VASH2: variants seen among roughly 807,000 people sequenced by gnomAD.
VASH2 encodes the protein tubulinyl-Tyr carboxypeptidase 2.
A neutral mutation model predicts 37.2 loss-of-function variants in VASH2; 28 were observed. The observed-to-expected ratio is 0.75, with a 90% CI of 0.56 to 1.03. The LOEUF (loss-of-function observed/expected upper bound fraction) is 1.03, where lower values mean the gene tolerates loss of function less well. Among genes scored for constraint, VASH2 ranks in the 50% least tolerant of loss-of-function variants. The pLI, the probability that VASH2 is intolerant of heterozygous loss-of-function variation, is 0.00. For missense variants in VASH2, 419 were observed against 459.1 expected, an observed-to-expected ratio of 0.91 and a Z score of 0.80; for synonymous variants, 188 against 174.7, an observed-to-expected ratio of 1.08 and a Z score of -0.60.
At position 212,973,293 on chromosome 1, in the gene VASH2, G is replaced by GA. The variant is rs769453373; in HGVS notation, c.879+333dup. 5.7e-4 allele frequency: 587 copies of GA among 1,035,506 alleles called. 2 individuals are homozygous for GA. The highest frequency in any genetic ancestry group is 3.9e-4 in the Non-Finnish European group (300 of 767,772). The allele number at this position is 1,035,506 out of a possible 1,614,324, so 64.1% of individuals were successfully genotyped here. ...GGAACTGCGGGTTTTCCCAGGACAT[G>GA]AGATTTTCAGTATTAAAACCTGGAA... is the stretch of plus-strand genomic sequence containing the variant. On this transcript the variant is annotated intron_variant, in intron 6 of 7. Coordinates refer to ENST00000517399, the MANE Select transcript of VASH2 (RefSeq NM_001301056.2).
At chr1:212,982,340 AAATTC>A (rs1411734491) in intron 7 of VASH2, among the ~76,000 whole-genome samples, 1 of 152,234 alleles carries the variant, frequency 6.6e-6, no homozygotes, top group African/African-American at 2.4e-5. Context: ...TGAAAAAAGA[AAATTC>A]TTTCATTTCT....
intron 6 of VASH2, chr1:212,973,386 C>G (rs1224966640): frequency 7.7e-7 from 1 of 1,291,894 alleles, no homozygotes. Context: ...GTTTTACCTC[C>G]AAAGTGATGT....
chr1:212,975,871 C>T (rs1318992906), intron 7 of VASH2, among the ~76,000 whole-genome samples: 1 of 152,196 alleles, frequency 6.6e-6, no homozygotes, highest in East Asian at 1.9e-4. Context: ...AAGGCCCAAG[C>T]ATTCCACCTG....
rs60920030 is a variant in VASH2, at chr1:212,959,447, TCACA to T, written c.277-1700_277-1697del. The stretch of plus-strand genomic sequence containing the variant: ...CACACACTCACATTCACACGCACAT[TCACA>T]CACACACACACACACACAATACCTT... On this transcript the variant is annotated intron_variant, in intron 2 of 7. Transcript: ENST00000517399. Among the ~76,000 whole-genome samples the T allele has an allele frequency of 3.4e-3, 506 of 150,760 alleles. 3 individuals carry two copies. Among genetic ancestry groups the T allele is most frequent in the African/African-American group, 1.0e-2 (411 of 41,282 alleles).
In VASH2 at chr1:212,969,602, T is replaced by C. The variant is rs566568537; in HGVS notation, c.498-2978T>C. ...TTTTAGTAGAGATGAGGTTTCACCATGTTGACCAGGCTGATCTTGAACTCC... is the reference window on the plus strand; with the variant it reads ...TTTTAGTAGAGATGAGGTTTCACCACGTTGACCAGGCTGATCTTGAACTCC... On this transcript the variant is annotated intron_variant, in intron 5 of 7. Coordinates refer to ENST00000517399, the MANE Select transcript of VASH2 (RefSeq NM_001301056.2). Among the ~76,000 whole-genome samples, 5 of 152,340 alleles carry C rather than the reference T, an allele frequency of 3.3e-5. No individual in the cohort carries two copies. In the South Asian group the frequency reaches 8.3e-4, roughly 25 times the overall value.
intron 5 of VASH2, among the ~76,000 whole-genome samples, chr1:212,966,697 C>A (rs539964655): frequency 2.1e-4 from 32 of 152,264 alleles, no homozygotes; most frequent in African/African-American, 5.8e-4. Context: ...GACATTGCAG[C>A]AGGAAAGACA....
intron 3 of VASH2, among the ~76,000 whole-genome samples, chr1:212,962,648 GGA>G (rs765493052): frequency 2.0e-5 from 3 of 152,202 alleles, no homozygotes; most frequent in Non-Finnish European, 4.4e-5. Context: ...ATTTGGGTAG[GGA>G]GATTACTTGA....
chr1:212,958,460 G>T (rs967443961), intron 2 of VASH2, among the ~76,000 whole-genome samples: 1 of 152,130 alleles, frequency 6.6e-6, no homozygotes, highest in Non-Finnish European at 1.5e-5. Context: ...GCTATTTTGG[G>T]GACCACCTGC....
intron 5 of VASH2, chr1:212,969,142 G>A (rs1038070406): frequency 5.1e-6 from 5 of 985,148 alleles, no homozygotes; most frequent in Non-Finnish European, 6.0e-6. Context: ...GCTGAACTCA[G>A]GGAAATTTGA....
intron 7 of VASH2, among the ~76,000 whole-genome samples, chr1:212,981,712 C>T (rs57769829): frequency 0.048 from 7,351 of 152,232 alleles, 323 homozygotes; most frequent in African/African-American, 0.11. Context: ...GAGCACCTGC[C>T]GGCACACGTA....
intron 7 of VASH2, among the ~76,000 whole-genome samples, chr1:212,983,475 A>T (rs1667394278): frequency 6.6e-6 from 1 of 152,158 alleles, no homozygotes; most frequent in African/African-American, 2.4e-5. Flanking sequence ...ATAAGAACCC[A>T]CTTTTGAGAA....
intron 2 of VASH2, among the ~76,000 whole-genome samples, chr1:212,959,245 C>T (rs183383316): frequency 2.0e-4 from 30 of 151,506 alleles, no homozygotes; most frequent in African/African-American, 5.1e-4. Context: ...ACACAGAATA[C>T]GCTTTACATT....
chr1:212,983,203 T>C (rs1198519114), intron 7 of VASH2, among the ~76,000 whole-genome samples: 1 of 152,222 alleles, frequency 6.6e-6, no homozygotes, highest in Non-Finnish European at 1.5e-5. Flanking sequence ...GGTGTAATGA[T>C]TATGAATTGG....
intron 3 of VASH2, among the ~76,000 whole-genome samples, chr1:212,963,036 C>G (rs1666724959): frequency 6.6e-6 from 1 of 151,776 alleles, no homozygotes; most frequent in African/African-American, 2.4e-5. Flanking sequence ...CCACTTCTAT[C>G]TAGGACATGG....
At position 212,961,176 on chromosome 1, in the gene VASH2, C is replaced by T; in HGVS notation, c.287C>T (p.Pro96Leu). The change falls in exon 3 of 8, where the codon CCC becomes CTC. Residue 96 changes from proline (P) to leucine (L), a missense_variant. Pro to Leu is a moderately conservative substitution (Grantham distance 98). Transcript: ENST00000517399. ...TCTATTTTTCTGCAGCCTTCAATACCCCAGGTCCCAAACTACAGGCTGTCG... is the reference window on the plus strand; with the variant it reads ...TCTATTTTTCTGCAGCCTTCAATACTCCAGGTCCCAAACTACAGGCTGTCG... ...NAAFLAKPSI[P>L]QVPNYRLSMT... is the part of the protein sequence containing the mutation. 1 of 1,614,140 alleles carries T rather than the reference C, an allele frequency of 6.2e-7. No individual in the cohort carries two copies. The highest frequency in any genetic ancestry group is 1.1e-5 in the South Asian group (1 of 91,064).
intron 5 of VASH2, chr1:212,968,872 AGG>A: frequency 1.0e-6 from 1 of 985,432 alleles, no homozygotes; most frequent in Non-Finnish European, 1.2e-6. Flanking sequence ...CTCTTTGTTG[AGG>A]GGTGTCTGAG....
At chr1:212,968,479 G>C in intron 5 of VASH2, 1 of 985,444 alleles carries the variant, frequency 1.0e-6, no homozygotes, top group Non-Finnish European at 1.2e-6. Context: ...GAATCTCTGT[G>C]CCTCTCTGCA....
At chr1:212,964,789 C>T (rs1176746232) in intron 3 of VASH2, among the ~76,000 whole-genome samples, 2 of 152,210 alleles carry the variant, frequency 1.3e-5, no homozygotes, top group Non-Finnish European at 2.9e-5. Flanking sequence ...CGTCCCCATC[C>T]ACCCTTCCAA....
chr1:212,989,195 T>G lies in VASH2; in HGVS notation c.*611T>G, dbSNP rs929722671. On this transcript the variant is annotated 3_prime_UTR_variant, in exon 8 of 8. Transcript: ENST00000517399. ...ATTTAAGGTACTATATGCAAGTGTTTTACTAAAAAGCACTGAAATTCTTCT... is the reference window on the plus strand; with the variant it reads ...ATTTAAGGTACTATATGCAAGTGTTGTACTAAAAAGCACTGAAATTCTTCT... 1 of 152,700 alleles carries G rather than the reference T, an allele frequency of 6.5e-6. No individual in the cohort carries two copies. Among genetic ancestry groups the G allele is most frequent in the African/African-American group, 2.4e-5 (1 of 41,464 alleles). The allele number at this position is 152,700 out of a possible 1,614,324, so 9.5% of individuals were successfully genotyped here. A position where few individuals can be genotyped will look rare whatever the true frequency, so the allele number is the denominator to read the frequency against.
Sources: gnomAD v4.1 joint callset for allele counts (sites outside exome capture counted in the v4.1 genomes callset) on GRCh38, gnomAD v4.1.1 for gene constraint, MANE v1.5 for transcripts, NCBI Gene and HGNC (gene_info 2026-07-23, HGNC 2026-07-21) for gene names.